The following GUCY2F variants were observed in gnomAD, a reference collection of about 807,000 sequenced individuals.
GUCY2F encodes the protein retinal guanylyl cyclase 2.
Under a neutral mutation model 73.1 loss-of-function variants are expected in GUCY2F, and 61 were observed. The ratio of observed to expected loss-of-function variants is 0.83; its 90% CI spans 0.68 to 1.03. The LOEUF (loss-of-function observed/expected upper bound fraction) is 1.03. Among genes scored for constraint, GUCY2F ranks in the 50% least tolerant of loss-of-function variants. GUCY2F has a pLI of 0.00. For missense variants in GUCY2F, 912 were observed against 854.3 expected, an observed-to-expected ratio of 1.07 and a Z score of -0.84; for synonymous variants, 331 against 307.8, an observed-to-expected ratio of 1.08 and a Z score of -0.79.
intron 7 of GUCY2F, among the ~76,000 whole-genome samples, chrX:109,432,210 A>C (rs1424646035): frequency 8.9e-6 from 1 of 111,792 alleles, no homozygotes; most frequent in Non-Finnish European, 1.9e-5. Context: ...TTTGTGACCC[A>C]CCATCCCAGC....
chrX:109,387,458 G>A (rs1930462535), intron 15 of GUCY2F, among the ~76,000 whole-genome samples: 2 of 112,132 alleles, frequency 1.8e-5, no homozygotes, highest in Non-Finnish European at 3.8e-5. Flanking sequence ...ATATCAGCAG[G>A]AATTTTGATA....
At chrX:109,477,621 T>C (rs1439706207) in intron 1 of GUCY2F, among the ~76,000 whole-genome samples, 2 of 112,333 alleles carry the variant, frequency 1.8e-5, no homozygotes, top group Non-Finnish European at 3.8e-5. Context: ...CACTTAAAGA[T>C]AGGTCACAGA....
chrX:109,466,523 T>C (rs1932473112), intron 2 of GUCY2F, among the ~76,000 whole-genome samples: 1 of 111,685 alleles, frequency 9.0e-6, no homozygotes, highest in Admixed American at 9.5e-5. Context: ...AAATGGCAGC[T>C]AGATCATGAG....
chrX:109,422,834 T>C (rs922627734), intron 8 of GUCY2F, among the ~76,000 whole-genome samples: 17 of 111,988 alleles, frequency 1.5e-4, no homozygotes, highest in African/African-American at 5.5e-4. Flanking sequence ...ATTGCACTTA[T>C]ATTGACAATA....
chrX:109,392,673 T>G (rs772653854), intron 13 of GUCY2F, among the ~76,000 whole-genome samples: 1 of 112,215 alleles, frequency 8.9e-6, no homozygotes, highest in Admixed American at 9.4e-5. Flanking sequence ...ATGACCAGCA[T>G]GATCTACAGG....
chrX:109,454,901 C>A (rs1932225868), intron 3 of GUCY2F, among the ~76,000 whole-genome samples: 1 of 111,205 alleles, frequency 9.0e-6, no homozygotes, highest in Non-Finnish European at 1.9e-5. Context: ...ATACTTGCTA[C>A]TTTGGTTTCA....
chrX:109,394,243 C>T (rs776910519), intron 12 of GUCY2F, among the ~76,000 whole-genome samples: 1 of 112,250 alleles, frequency 8.9e-6, no homozygotes, highest in Non-Finnish European at 1.9e-5. Context: ...CCCTATCTAT[C>T]ACTGGCTTCT....
chrX:109,393,612 T>C (rs911695631), intron 12 of GUCY2F, among the ~76,000 whole-genome samples: 63 of 111,661 alleles, frequency 5.6e-4, no homozygotes, highest in African/African-American at 2.0e-3. Flanking sequence ...CCAAGAATAG[T>C]GGTGTCCTCT....
intron 6 of GUCY2F, among the ~76,000 whole-genome samples, chrX:109,442,708 A>C (rs1931903378): frequency 9.0e-6 from 1 of 111,375 alleles, no homozygotes; most frequent in African/African-American, 3.3e-5. Flanking sequence ...CCCAGCCCGC[A>C]ATGTGCTGAA....
At chrX:109,435,496 A>G (rs1440182590) in intron 7 of GUCY2F, among the ~76,000 whole-genome samples, 4 of 110,175 alleles carry the variant, frequency 3.6e-5, no homozygotes, top group East Asian at 2.8e-4. Flanking sequence ...AGACTTTGCT[A>G]AAGTTGCTTA....
chrX:109,398,752 G>A (rs1930771522), intron 10 of GUCY2F, 54 bp from the exon 11 acceptor site: 4 of 1,079,964 alleles, frequency 3.7e-6, no homozygotes, highest in Admixed American at 2.2e-5. Context: ...GACAATATCT[G>A]CAATGCCCTC....
Position 109,375,885 on chromosome X carries a change from T to G in GUCY2F, c.*1+13A>C, listed in dbSNP as rs1198910187. On this transcript the variant is annotated intron_variant, in intron 19 of 19. Transcript: ENST00000218006. ...GGCAAGCTGCTGTGCTCTGTTTTCC[T>G]CCTGGCCATTACCTTATGGCTTGTT... 2.6e-6 allele frequency: 3 copies of G among 1,174,344 alleles called. No individual in the cohort carries two copies. In the East Asian group the frequency reaches 8.9e-5, roughly 35 times the overall value.
At chrX:109,434,354 C>T (rs1931684422) in intron 7 of GUCY2F, among the ~76,000 whole-genome samples, 1 of 109,741 alleles carries the variant, frequency 9.1e-6, no homozygotes, top group Non-Finnish European at 1.9e-5. Context: ...ATTTCAAAGG[C>T]TATCTGTGAA....
In GUCY2F at chrX:109,475,953, G is replaced by T; in HGVS notation, c.-17C>A. 8.5e-7 allele frequency: 1 copy of T among 1,181,833 alleles called. No individual in the cohort carries two copies. The highest frequency in any genetic ancestry group is 1.9e-5 in the South Asian group (1 of 51,329). Reference sequence around the variant, plus strand: ...CAGGAACATAGCCCTCCTGCTTCCAGCAAGCTAATGACGAGATACTGGAGA... The same window carrying T: ...CAGGAACATAGCCCTCCTGCTTCCATCAAGCTAATGACGAGATACTGGAGA... On this transcript the variant is annotated 5_prime_UTR_variant, in exon 2 of 20. It adds an upstream start codon to the 5' untranslated region. Coordinates refer to ENST00000218006, the MANE Select transcript of GUCY2F (RefSeq NM_001522.3).
intron 11 of GUCY2F, among the ~76,000 whole-genome samples, chrX:109,397,653 C>G (rs1041708722): frequency 1.8e-5 from 2 of 111,546 alleles, no homozygotes; most frequent in Non-Finnish European, 3.8e-5. Context: ...GTTCCACAAT[C>G]CAATTCAAGA....
At chrX:109,382,772 C>G (rs1930348791) in intron 16 of GUCY2F, among the ~76,000 whole-genome samples, 1 of 112,166 alleles carries the variant, frequency 8.9e-6, no homozygotes, top group Non-Finnish European at 1.9e-5. Context: ...GTGGGGGCAC[C>G]TAGCTGTGTT....
chrX:109,463,591 C>T (rs1476630384), intron 3 of GUCY2F, among the ~76,000 whole-genome samples: 1 of 110,089 alleles, frequency 9.1e-6, no homozygotes, highest in Non-Finnish European at 1.9e-5. Context: ...GCGCCCGCCA[C>T]CACGCCCGGC....
chrX:109,435,536 A>G (rs759965509), intron 7 of GUCY2F, among the ~76,000 whole-genome samples: 2 of 110,468 alleles, frequency 1.8e-5, no homozygotes, highest in African/African-American at 3.3e-5. Flanking sequence ...GGCTGAGACA[A>G]TGGGGTTTTC....
intron 8 of GUCY2F, among the ~76,000 whole-genome samples, chrX:109,420,141 C>T (rs1172537218): frequency 9.5e-6 from 1 of 105,497 alleles, no homozygotes; most frequent in Non-Finnish European, 2.0e-5. Context: ...TTGTCTCAGT[C>T]TCTACACAAA....
Sources: allele counts gnomAD v4.1 joint callset (sites outside exome capture counted in the v4.1 genomes callset), GRCh38; gene constraint gnomAD v4.1.1; transcripts MANE v1.5; gene names NCBI Gene and HGNC (gene_info 2026-07-23, HGNC 2026-07-21).